RUVBL2: variants seen among roughly 807,000 people sequenced by gnomAD.
RUVBL2 encodes the protein RuvB like AAA ATPase 2.
A neutral mutation model predicts 57.9 loss-of-function variants in RUVBL2; 9 were observed. The ratio of observed to expected loss-of-function variants is 0.16; its 90% CI spans 0.09 to 0.27. The LOEUF (loss-of-function observed/expected upper bound fraction) is 0.27. RUVBL2 is among the 10% of genes least tolerant of loss of function. The probability of loss-of-function intolerance (pLI) is 1.00; values close to 1 mark genes in which losing one functional copy is unlikely to be tolerated. For missense variants in RUVBL2, 456 were observed against 669.6 expected, an observed-to-expected ratio of 0.68 and a Z score of 3.52; for synonymous variants, 278 against 264.6, an observed-to-expected ratio of 1.05 and a Z score of -0.49.
rs199984329 is a variant in RUVBL2, at chr19:49,015,798, G to C, written c.1367-19G>C. ...CCACCTGGGCGACACTGACCATGTG[G>C]CCTTCCTTCTCCCCACAGAAGGCGA... On this transcript the variant is annotated intron_variant, in intron 14 of 14. Transcript: ENST00000595090. 40 of 1,614,056 alleles carry C rather than the reference G, an allele frequency of 2.5e-5. No homozygotes were observed. The highest frequency in any genetic ancestry group is 3.0e-5 in the Non-Finnish European group (35 of 1,179,968).
intron 4 of RUVBL2, among the ~76,000 whole-genome samples, chr19:49,006,305 G>A (rs2039280385): frequency 6.6e-6 from 1 of 152,252 alleles, no homozygotes; most frequent in Non-Finnish European, 1.5e-5. Flanking sequence ...GGAACTGGAA[G>A]GAAAGGTCTG....
At chr19:49,012,883 A>ACACACACACACACC (rs1421444990) in intron 11 of RUVBL2, among the ~76,000 whole-genome samples, 1 of 147,268 alleles carries the variant, frequency 6.8e-6, no homozygotes, top group African/African-American at 2.6e-5. Context: ...ACACACACAC[A>ACACACACACACACC]CCACCCCTGG....
At chr19:49,006,260 G>T (rs1380209394) in intron 4 of RUVBL2, among the ~76,000 whole-genome samples, 1 of 152,244 alleles carries the variant, frequency 6.6e-6, no homozygotes, top group Non-Finnish European at 1.5e-5. Context: ...TGTCTGAAAG[G>T]GCGTGCCCCA....
Position 49,007,341 on chromosome 19 carries a change from C to G in RUVBL2, c.435C>G (p.Ile145Met). The G allele has an allele frequency of 6.2e-7, 1 of 1,614,034 alleles. No homozygotes were observed. Among genetic ancestry groups the G allele is most frequent in the African/African-American group, 1.3e-5 (1 of 75,048 alleles). Residue 145 changes from isoleucine to methionine, a missense_variant, in exon 6 of 15, where the codon ATC (isoleucine) becomes ATG (methionine). Ile to Met is a conservative substitution (Grantham distance 10). Coordinates refer to ENST00000595090, the MANE Select transcript of RUVBL2 (RefSeq NM_006666.3). ...TEIIEGEVVE[I>M]QIDRPATGTG... ...TCATCGAAGGGGAGGTGGTGGAGAT[C>G]CAGATTGATCGACCAGCAACAGGGA...
At chr19:48,998,339 G>A (rs770241386) in intron 1 of RUVBL2, among the ~76,000 whole-genome samples, 5 of 152,184 alleles carry the variant, frequency 3.3e-5, no homozygotes, top group Non-Finnish European at 7.3e-5. Context: ...GCCAGAGCAT[G>A]TCCAGCTCCA....
In RUVBL2 at chr19:49,015,025, G is replaced by A. The variant is rs916434820; in HGVS notation, c.1126G>A (p.Glu376Lys). ...CCTGTCCCCCACTGCTTGCAGGTGCGAGGAAGAAGATGTGGAGATGAGTGA... is the reference window on the plus strand; with the variant it reads ...CCTGTCCCCCACTGCTTGCAGGTGCAAGGAAGAAGATGTGGAGATGAGTGA... ...DTKQILRIRC[E>K]EEDVEMSEDA... The change falls in exon 13 of 15, where the codon GAG becomes AAG. Residue 376 changes from glutamate to lysine, a missense_variant. This residue lies in a region of RUVBL2 where 130 missense variants were observed against 243.0 expected (regional missense o/e 0.53). Transcript: ENST00000595090. 3 of 1,599,932 alleles carry A rather than the reference G, an allele frequency of 1.9e-6. No individual in the cohort carries two copies. The highest frequency in any genetic ancestry group is 2.6e-6 in the Non-Finnish European group (3 of 1,173,790).
intron 12 of RUVBL2, among the ~76,000 whole-genome samples, 191 bp downstream of exon 12, chr19:49,014,794 C>A (rs1281472376): frequency 6.6e-6 from 1 of 152,174 alleles, no homozygotes; most frequent in Non-Finnish European, 1.5e-5. Flanking sequence ...GCGAGGTACC[C>A]GTGACTGGTG....
chr19:49,015,836 C>T lies in RUVBL2; in HGVS notation c.1386C>T (p.Thr462=). ...CCACAGAAGGCGAGACCATGGACAC[C>T]TCCTGAGTTGGATGTCATCCCCCGA... ...FNELKGETMD[T]S Residue 462 remains threonine, a synonymous_variant, in exon 15 of 15, where the codon ACC becomes ACT. Coordinates refer to ENST00000595090, the MANE Select transcript of RUVBL2 (RefSeq NM_006666.3). 6.2e-7 allele frequency: 1 copy of T among 1,614,184 alleles called. No individual in the cohort carries two copies. Among genetic ancestry groups the T allele is most frequent in the Middle Eastern group, 1.6e-4 (1 of 6,062 alleles).
At chr19:48,995,614 C>A (rs920025532) in intron 1 of RUVBL2, among the ~76,000 whole-genome samples, 3 of 151,564 alleles carry the variant, frequency 2.0e-5, no homozygotes, top group Non-Finnish European at 4.4e-5. Context: ...TTTGGGAGTC[C>A]GAGGTAGAAG....
intron 1 of RUVBL2, among the ~76,000 whole-genome samples, chr19:48,995,341 G>T (rs2039035607): frequency 1.3e-5 from 2 of 150,626 alleles, no homozygotes; most frequent in African/African-American, 2.4e-5. Flanking sequence ...TTTTTGTGGG[G>T]TGGGGATGCC....
At position 49,010,991 on chromosome 19, in the gene RUVBL2, TCC is replaced by T. The variant is rs1282575334; in HGVS notation, c.788-6_788-5del. The stretch of plus-strand genomic sequence containing the variant: ...TGGCTTCCCTGATGCAACCTGTGCC[TCC>T]CATAGGTGACACAGGGGAGATCAAG... On this transcript the variant is annotated splice_polypyrimidine_tract_variant and splice_region_variant and intron_variant, in intron 9 of 14. Coordinates refer to ENST00000595090, the MANE Select transcript of RUVBL2 (RefSeq NM_006666.3). The T allele has an allele frequency of 4.4e-6, 7 of 1,608,326 alleles. No homozygotes were observed. Among genetic ancestry groups the T allele is most frequent in the Non-Finnish European group, 5.9e-6 (7 of 1,177,352 alleles).
chr19:48,994,017 AG>A (rs1366037994), intron 1 of RUVBL2, 94 bp downstream of exon 1: 5 of 1,057,336 alleles, frequency 4.7e-6, no homozygotes, highest in African/African-American at 2.0e-5. Flanking sequence ...GGTCTGAGGG[AG>A]GGGGGATCTG....
At chr19:48,994,054 G>A in intron 1 of RUVBL2, 131 bp downstream of exon 1, 2 of 1,063,984 alleles carry the variant, frequency 1.9e-6, no homozygotes, top group Non-Finnish European at 2.7e-6. Flanking sequence ...GGGTCTGAAA[G>A]AGGAGGAAGC....
At position 49,011,651 on chromosome 19, in the gene RUVBL2, TA is replaced by T. The variant is rs965992160; in HGVS notation, c.1001+343del. Among the ~76,000 whole-genome samples, 34 of 152,326 alleles carry T rather than the reference TA, an allele frequency of 2.2e-4. No individual in the cohort carries two copies. Among genetic ancestry groups the T allele is most frequent in the African/African-American group, 7.9e-4 (33 of 41,572 alleles). ...GAAGCACAGTGACATCTGTTAGACA[TA>T]ACATAAACTACGATTGTTCAGTCAC... is the stretch of plus-strand genomic sequence containing the variant. On this transcript the variant is annotated intron_variant, in intron 11 of 14. Coordinates refer to ENST00000595090, the MANE Select transcript of RUVBL2 (RefSeq NM_006666.3). This position sits in a 1 kb window ranked among gnomAD's most constrained non-coding sequence, Gnocchi z 4.4.
chr19:48,995,266 C>T (rs557218024), intron 1 of RUVBL2, among the ~76,000 whole-genome samples: 53 of 151,698 alleles, frequency 3.5e-4, no homozygotes, highest in Non-Finnish European at 1.5e-5. Context: ...TTATAGGAGA[C>T]AGTCCTTGGT....
chr19:48,999,109 G>A lies in RUVBL2; in HGVS notation c.13-210G>A, dbSNP rs562257762. On this transcript the variant is annotated intron_variant, in intron 1 of 14. Coordinates refer to ENST00000595090, the MANE Select transcript of RUVBL2 (RefSeq NM_006666.3). ...GCTGGACCCTGAGGACCAAGCTGTC[G>A]ATGAGACAGACAGTCCTTGTCTTCC... Among the ~76,000 whole-genome samples, 6 of 152,184 alleles carry A rather than the reference G, an allele frequency of 3.9e-5. No individual in the cohort carries two copies. The South Asian group carries it at 1.2e-3, about 32-fold the overall frequency.
intron 2 of RUVBL2, among the ~76,000 whole-genome samples, chr19:49,000,490 G>A (rs543503957): frequency 6.6e-6 from 1 of 152,326 alleles, no homozygotes; most frequent in East Asian, 1.9e-4. Flanking sequence ...GGAGGTGGAG[G>A]TTGCAGTGAG....
rs748447325 is a variant in RUVBL2, at chr19:49,011,118, G to A, written c.882+25G>A. ...AGTGAGGACCCAGGACATGGCCGGG[G>A]CGGGTGGTGGGGTGGAGGTGGGCCG... On this transcript the variant is annotated intron_variant, in intron 10 of 14. Coordinates refer to ENST00000595090, the MANE Select transcript of RUVBL2 (RefSeq NM_006666.3). The surrounding 1 kb of genome is among the most constrained non-coding windows in gnomAD (Gnocchi z 4.4). The A allele has an allele frequency of 3.7e-6, 6 of 1,608,974 alleles. No homozygotes were observed. The highest frequency in any genetic ancestry group is 2.2e-5 in the East Asian group (1 of 44,680).
chr19:49,010,467 T>TGGCCCCCC, intron 8 of RUVBL2, 21 bp from the exon 9 acceptor site: 5 of 1,401,200 alleles, frequency 3.6e-6, no homozygotes, highest in African/African-American at 1.5e-5. Flanking sequence ...CCGCCGTTCT[T>TGGCCCCCC]CCCCCACCCC....
Sources: gnomAD v4.1 joint callset for allele counts (sites outside exome capture counted in the v4.1 genomes callset) on GRCh38, gnomAD v4.1.1 for gene constraint, gnomAD v4.1.1 regional missense constraint, Gnocchi (gnomAD v3.1) non-coding constraint, MANE v1.5 for transcripts, NCBI Gene and HGNC (gene_info 2026-07-23, HGNC 2026-07-21) for gene names.